Variants in ASTN2 observed in about 807,000 individuals in gnomAD.
The protein encoded by ASTN2 is astrotactin-2.
A neutral mutation model predicts 139.8 loss-of-function variants in ASTN2; 54 were observed. That is an observed-to-expected ratio of 0.39 (90% CI 0.31 to 0.48). The LOEUF (loss-of-function observed/expected upper bound fraction) is 0.48. ASTN2 is among the 20% of genes least tolerant of loss of function. The pLI is 0.95. For missense variants in ASTN2, 1,565 were observed against 1,725.1 expected (o/e 0.91, Z 1.64); for synonymous variants, 756 against 719.5 (o/e 1.05, Z -0.81).
chr9:116,657,353 T>C (rs1438065483), intron 16 of ASTN2, among the ~76,000 whole-genome samples: 2 of 152,232 alleles, frequency 1.3e-5, no homozygotes, highest in African/African-American at 4.8e-5. Flanking sequence ...TATTTGTTAT[T>C]GTTGTTGTTG....
At chr9:117,412,896 T>C (rs145126114) in intron 1 of ASTN2, among the ~76,000 whole-genome samples, 196 of 152,288 alleles carry the variant, frequency 1.3e-3, no homozygotes, top group Non-Finnish European at 2.3e-3. Context: ...CCTCCTTCCC[T>C]TTCTCGGACA....
intron 11 of ASTN2, among the ~76,000 whole-genome samples, chr9:116,856,401 G>A (rs1258225482): frequency 1.3e-5 from 2 of 152,212 alleles, no homozygotes; most frequent in African/African-American, 2.4e-5. Flanking sequence ...GCTTTCCCTG[G>A]TCAGCAGTGC....
At chr9:116,873,683 C>A (rs1048200924) in intron 10 of ASTN2, among the ~76,000 whole-genome samples, 1 of 152,120 alleles carries the variant, frequency 6.6e-6, no homozygotes, top group Non-Finnish European at 1.5e-5. Context: ...GAATTGTAAT[C>A]CTCAATGTTG....
intron 16 of ASTN2, among the ~76,000 whole-genome samples, chr9:116,694,541 A>G (rs1177553676): frequency 1.4e-5 from 2 of 138,220 alleles, no homozygotes; most frequent in South Asian, 2.3e-4. Context: ...GCTCACTGCA[A>G]GCTCCGCCTC....
chr9:116,432,197 T>C (rs752757532), intron 22 of ASTN2, among the ~76,000 whole-genome samples: 2 of 152,224 alleles, frequency 1.3e-5, no homozygotes, highest in Non-Finnish European at 2.9e-5. Flanking sequence ...GGACCACTTT[T>C]GCTGAGGTTC....
intron 2 of ASTN2, among the ~76,000 whole-genome samples, chr9:117,280,543 T>C (rs1034403950): frequency 6.6e-6 from 1 of 151,956 alleles, no homozygotes; most frequent in Non-Finnish European, 1.5e-5. Context: ...GACGTAGAAA[T>C]TAGCGTTCAA....
At chr9:117,036,072 C>A (rs114539096) in intron 6 of ASTN2, among the ~76,000 whole-genome samples, 1,602 of 152,204 alleles carry the variant, frequency 0.011, 26 homozygotes, top group African/African-American at 0.037. Context: ...CACATTATAA[C>A]GTTCAATCAT....
intron 15 of ASTN2, among the ~76,000 whole-genome samples, chr9:116,728,347 G>A (rs1031102774): frequency 6.6e-6 from 1 of 151,936 alleles, no homozygotes; most frequent in Non-Finnish European, 1.5e-5. Flanking sequence ...AATGGAGAAC[G>A]GGGGAGGCAT....
chr9:116,480,106 G>C (rs1465197814), intron 20 of ASTN2, among the ~76,000 whole-genome samples: 1 of 151,686 alleles, frequency 6.6e-6, no homozygotes, highest in Non-Finnish European at 1.5e-5. Context: ...AGGAAGGATG[G>C]GTGAAGAAAG....
intron 3 of ASTN2, among the ~76,000 whole-genome samples, chr9:117,144,841 C>T (rs1259195917): frequency 6.6e-6 from 1 of 151,610 alleles, no homozygotes; most frequent in Non-Finnish European, 1.5e-5. Flanking sequence ...ACCACCATGC[C>T]TATACTATAT....
At chr9:116,686,899 C>T in intron 16 of ASTN2, 1 of 1,520,450 alleles carries the variant, frequency 6.6e-7, no homozygotes, top group Admixed American at 2.0e-5. Flanking sequence ...CTCGACTTCC[C>T]CAGAATGGAA....
chr9:116,830,714 CCCAGGAGG>C (rs1831785018), intron 11 of ASTN2, among the ~76,000 whole-genome samples: 1 of 151,050 alleles, frequency 6.6e-6, no homozygotes, highest in African/African-American at 2.4e-5. Flanking sequence ...ATCACTTGAA[CCCAGGAGG>C]CGGAGGTCAC....
intron 1 of ASTN2, among the ~76,000 whole-genome samples, chr9:117,304,711 T>C (rs1420035356): frequency 2.0e-5 from 3 of 152,156 alleles, no homozygotes; most frequent in Non-Finnish European, 4.4e-5. Context: ...CAGCCTCTAC[T>C]CCATTACCCT....
chr9:117,376,576 A>T (rs1830129610), intron 1 of ASTN2, among the ~76,000 whole-genome samples: 1 of 152,082 alleles, frequency 6.6e-6, no homozygotes, highest in South Asian at 2.1e-4. Flanking sequence ...AAAAGGCAAA[A>T]TTTTTCCTTC....
At chr9:116,500,561 A>T (rs55695529) in intron 19 of ASTN2, among the ~76,000 whole-genome samples, 22,133 of 152,254 alleles carry the variant, frequency 0.15, 1,755 homozygotes, top group Middle Eastern at 0.2. Flanking sequence ...AGGCAATTCA[A>T]TTCACTAACA....
intron 1 of ASTN2, among the ~76,000 whole-genome samples, chr9:117,314,805 CTA>C (rs1357685718): frequency 1.4e-5 from 2 of 143,986 alleles, no homozygotes; most frequent in Non-Finnish European, 3.0e-5. Context: ...ATATAATATA[CTA>C]TATATTTTAT....
intron 5 of ASTN2, among the ~76,000 whole-genome samples, chr9:117,072,867 A>G (rs922749516): frequency 3.9e-5 from 6 of 152,218 alleles, no homozygotes; most frequent in Non-Finnish European, 8.8e-5. Context: ...AGGGTTAGGT[A>G]TCCAAACATA....
At chr9:116,574,028 C>T (rs975143742) in intron 19 of ASTN2, among the ~76,000 whole-genome samples, 3 of 152,070 alleles carry the variant, frequency 2.0e-5, no homozygotes, top group African/African-American at 7.2e-5. Flanking sequence ...CTGGGAGAAT[C>T]GGGGAAAACT....
At chr9:116,808,445 G>A (rs1349818759) in intron 12 of ASTN2, among the ~76,000 whole-genome samples, 2 of 152,114 alleles carry the variant, frequency 1.3e-5, no homozygotes, top group Non-Finnish European at 2.9e-5. Context: ...TGTGAGACAT[G>A]CATTTGCACC....
Sources: gnomAD v4.1 joint callset for allele counts (sites outside exome capture counted in the v4.1 genomes callset) on GRCh38, gnomAD v4.1.1 for gene constraint, MANE v1.5 for transcripts, NCBI Gene and HGNC (gene_info 2026-07-23, HGNC 2026-07-21) for gene names.